The following RNF180 variants were observed in gnomAD, a reference collection of about 807,000 sequenced individuals.
RNF180 encodes E3 ubiquitin-protein ligase RNF180.
A neutral mutation model predicts 59.2 loss-of-function variants in RNF180; 38 were observed. The ratio of observed to expected loss-of-function variants is 0.64; its 90% confidence interval spans 0.50 to 0.84. The LOEUF (loss-of-function observed/expected upper bound fraction) is 0.84, where lower values mean the gene tolerates loss of function less well. RNF180 is among the 40% of genes least tolerant of loss of function. RNF180 has a pLI of 0.00. For synonymous variants in RNF180, 262 were observed against 240.3 expected, an observed-to-expected ratio of 1.09 and a Z score of -0.84; for missense variants, 705 against 700.9, an observed-to-expected ratio of 1.01 and a Z score of -0.07.
At chr5:64,187,769 CTAAG>C (rs777575278) in intron 1 of RNF180, among the ~76,000 whole-genome samples, 6 of 152,242 alleles carry the variant, frequency 3.9e-5, no homozygotes, top group East Asian at 1.9e-4. Context: ...ATTCATTGAA[CTAAG>C]TAAGTAAGGC....
chr5:64,209,567 C>T (rs1051493983), intron 2 of RNF180, among the ~76,000 whole-genome samples: 3 of 151,942 alleles, frequency 2.0e-5, no homozygotes, highest in African/African-American at 7.2e-5. Context: ...TATTGATAGG[C>T]TGAGTGCCAT....
At chr5:64,300,988 C>T (rs1200756191) in intron 5 of RNF180, among the ~76,000 whole-genome samples, 1 of 151,688 alleles carries the variant, frequency 6.6e-6, no homozygotes, top group African/African-American at 2.4e-5. Flanking sequence ...CTGCCTCACT[C>T]TCAAAGACAT....
intron 7 of RNF180, among the ~76,000 whole-genome samples, chr5:64,353,069 T>C (rs1334905388): frequency 2.6e-5 from 4 of 151,892 alleles, no homozygotes; most frequent in African/African-American, 4.8e-5. Flanking sequence ...TATTACACAT[T>C]AGGTTAAATT....
In RNF180 at chr5:64,301,399, G is replaced by A. The variant is rs567491053; in HGVS notation, c.1228-23787G>A. On this transcript the variant is annotated intron_variant, in intron 5 of 7. Coordinates refer to ENST00000389100, the MANE Select transcript of RNF180 (RefSeq NM_001113561.2). ...GTCTTCCAATGATCTTACTTTCAAT[G>A]TTTTTATACTTAGTTCTGAAAATTA... Among the ~76,000 whole-genome samples, 52 of 151,680 alleles carry A rather than the reference G, an allele frequency of 3.4e-4. 1 individual carries two copies. In the South Asian group the frequency reaches 0.01, roughly 30 times the overall value.
intron 1 of RNF180, among the ~76,000 whole-genome samples, chr5:64,181,427 AT>A (rs1189258511): frequency 6.6e-6 from 1 of 152,192 alleles, no homozygotes; most frequent in Non-Finnish European, 1.5e-5. Flanking sequence ...AACCCTGTTG[AT>A]TATGTGTGGT....
intron 1 of RNF180, among the ~76,000 whole-genome samples, chr5:64,166,963 C>G (rs375683462): frequency 6.6e-6 from 1 of 152,178 alleles, no homozygotes; most frequent in East Asian, 1.9e-4. Flanking sequence ...GAGTCAATTC[C>G]TTTCAGACTC....
At chr5:64,176,665 T>G (rs553194152) in intron 1 of RNF180, among the ~76,000 whole-genome samples, 2 of 152,302 alleles carry the variant, frequency 1.3e-5, no homozygotes, top group Admixed American at 1.3e-4. Context: ...CTGGAGAACA[T>G]TCTGTTAGTA....
rs552543605 is a variant in RNF180 at position 64,350,863 on chromosome 5, T to A, written c.1580-18752T>A. On this transcript the variant is annotated intron_variant, in intron 7 of 7. Transcript: ENST00000389100. ...AGCATGATGCCTCCAGCTTTGTTCT[T>A]TTGGCTTAGGATTGACTTGGCAATG... is the stretch of plus-strand genomic sequence containing the variant. Among the ~76,000 whole-genome samples the A allele has an allele frequency of 4.3e-3, 650 of 152,302 alleles. 4 individuals carry two copies. Among genetic ancestry groups the A allele is most frequent in the Non-Finnish European group, 6.8e-3 (461 of 68,032 alleles).
chr5:64,189,471 CAAAAAAAG>C (rs1561176044), intron 1 of RNF180, among the ~76,000 whole-genome samples: 1 of 150,758 alleles, frequency 6.6e-6, no homozygotes, highest in South Asian at 2.1e-4. Flanking sequence ...TATAAAGTGG[CAAAAAAAG>C]AAAAAAAGAA....
intron 5 of RNF180, among the ~76,000 whole-genome samples, chr5:64,297,982 C>T (rs1457483570): frequency 6.6e-6 from 1 of 151,924 alleles, no homozygotes; most frequent in Admixed American, 6.6e-5. Context: ...GTTTGTTATA[C>T]AGATTATTTC....
chr5:64,190,355 C>T (rs747335898), intron 1 of RNF180, among the ~76,000 whole-genome samples: 9 of 152,184 alleles, frequency 5.9e-5, no homozygotes, highest in Admixed American at 2.0e-4. Context: ...GAAGCATATA[C>T]ATTGCATGCT....
chr5:64,222,999 A>G (rs1343410270), intron 5 of RNF180, among the ~76,000 whole-genome samples: 4 of 152,250 alleles, frequency 2.6e-5, no homozygotes, highest in African/African-American at 9.6e-5. Flanking sequence ...TATTGCTGCT[A>G]TAACAAATCA....
chr5:64,185,275 ATTAG>A (rs748061469), intron 1 of RNF180, among the ~76,000 whole-genome samples: 1 of 152,172 alleles, frequency 6.6e-6, no homozygotes, highest in Non-Finnish European at 1.5e-5. Flanking sequence ...TGTCTGGTAG[ATTAG>A]TTAGTTGATA....
At chr5:64,325,444 G>T in intron 6 of RNF180, 33 bp downstream of exon 6, 1 of 1,360,950 alleles carries the variant, frequency 7.3e-7, no homozygotes, top group Non-Finnish European at 1.0e-6. Context: ...ATGATTGTCT[G>T]ATTATTCTAC....
intron 7 of RNF180, among the ~76,000 whole-genome samples, chr5:64,359,102 C>T (rs1746142608): frequency 6.6e-6 from 1 of 151,488 alleles, no homozygotes; most frequent in Admixed American, 6.6e-5. Flanking sequence ...CATACGTGTG[C>T]ATGTGTCTTT....
chr5:64,367,032 A>G (rs1391503881), intron 7 of RNF180, among the ~76,000 whole-genome samples: 1 of 151,588 alleles, frequency 6.6e-6, no homozygotes, highest in Non-Finnish European at 1.5e-5. Context: ...ATTTCTTAGT[A>G]GAAACCTTAC....
intron 5 of RNF180, among the ~76,000 whole-genome samples, chr5:64,218,090 A>T (rs1021027378): frequency 1.1e-4 from 17 of 151,850 alleles, no homozygotes; most frequent in African/African-American, 3.4e-4. Flanking sequence ...TATTCTCTTA[A>T]TTTTTTTCCT....
At chr5:64,306,823 G>T (rs1743490407) in intron 5 of RNF180, among the ~76,000 whole-genome samples, 2 of 150,986 alleles carry the variant, frequency 1.3e-5, no homozygotes, top group Non-Finnish European at 1.5e-5. Flanking sequence ...GAGGACTGTT[G>T]TGGGGTGGGG....
At position 64,201,018 on chromosome 5, in the gene RNF180, A is replaced by C. The variant is rs1047292761; in HGVS notation, c.135+76A>C. 3 of 1,099,446 alleles carry C rather than the reference A, an allele frequency of 2.7e-6. No individual in the cohort carries two copies. The African/African-American group carries it at 4.8e-5, about 18-fold the overall frequency. 68.1% of individuals were successfully genotyped at this position (1,099,446 alleles called of 1,614,324 possible). ...GGCCTATCCACACACATGCACACTT[A>C]TTCTTCTCTACCTTATTAAGAATAT... On this transcript the variant is annotated intron_variant, in intron 2 of 7. Transcript: ENST00000389100.
Sources: gnomAD v4.1 joint callset for allele counts (sites outside exome capture counted in the v4.1 genomes callset) on GRCh38, gnomAD v4.1.1 for gene constraint, MANE v1.5 for transcripts, NCBI Gene and HGNC (gene_info 2026-07-23, HGNC 2026-07-21) for gene names.